Variants in DTWD1 observed in about 807,000 individuals in gnomAD.
DTWD1 encodes tRNA-uridine aminocarboxypropyltransferase 1.
In DTWD1, 27 loss-of-function variants were observed where a neutral mutation model predicts 30.2. That is an observed-to-expected ratio of 0.90 (90% confidence interval 0.66 to 1.23). The LOEUF (loss-of-function observed/expected upper bound fraction) is 1.23, where lower values mean the gene tolerates loss of function less well. DTWD1 is among the 50% of genes most tolerant of loss of function. DTWD1 has a pLI of 0.00. For synonymous variants in DTWD1, 99 were observed against 113.1 expected (o/e 0.88, Z 0.79); for missense variants, 342 against 348.8 (o/e 0.98, Z 0.15).
chr15:49,634,815 T>C, intron 4 of DTWD1, 21 bp downstream of exon 4: 1 of 1,548,158 alleles, frequency 6.5e-7, no homozygotes, highest in Non-Finnish European at 8.7e-7. Context: ...AATGTTTTTT[T>C]GGACTGCTCC....
intron 4 of DTWD1, among the ~76,000 whole-genome samples, chr15:49,637,656 A>G (rs1379506115): frequency 1.3e-5 from 2 of 152,198 alleles, no homozygotes; most frequent in South Asian, 2.1e-4. Flanking sequence ...TTGTCCATGT[A>G]TGATTAGAAG....
At chr15:49,633,612 G>A (rs1441075866) in intron 3 of DTWD1, 6 of 286,522 alleles carry the variant, frequency 2.1e-5, no homozygotes, top group Non-Finnish European at 3.4e-5. Context: ...CGGGATTACA[G>A]GTATGAGCCA....
intron 1 of DTWD1, among the ~76,000 whole-genome samples, 158 bp from the exon 2 acceptor site, chr15:49,624,955 C>G (rs1020160688): frequency 6.6e-6 from 1 of 152,178 alleles, no homozygotes; most frequent in African/African-American, 2.4e-5. Context: ...TGCTTTTAAT[C>G]TTATGTTTTA....
Position 49,655,805 on chromosome 15 carries a change from T to A in DTWD1, c.*12227T>A, listed in dbSNP as rs1490036909. The A allele has an allele frequency of 6.6e-6, 1 of 151,994 alleles. No homozygotes were observed. Among genetic ancestry groups the A allele is most frequent in the Non-Finnish European group, 1.5e-5 (1 of 67,968 alleles). The allele number at this position is 151,994 out of a possible 1,614,324, so 9.4% of individuals were successfully genotyped here. A position where few individuals can be genotyped will look rare whatever the true frequency, so the allele number is the denominator to read the frequency against. ...TGGAAATTACTTTGCTGGCTGAAGT[T>A]GGGAATAGAAAACAGTAGAGAATAC... On this transcript the variant is annotated 3_prime_UTR_variant, in exon 5 of 5. Transcript: ENST00000403028.
chr15:49,638,930 G>A (rs1292774439), intron 4 of DTWD1, among the ~76,000 whole-genome samples: 1 of 152,084 alleles, frequency 6.6e-6, no homozygotes, highest in Admixed American at 6.5e-5. Flanking sequence ...AGAATGTAGG[G>A]GGAGACATTG....
chr15:49,637,631 A>T (rs2079018648), intron 4 of DTWD1, among the ~76,000 whole-genome samples: 1 of 152,170 alleles, frequency 6.6e-6, no homozygotes, highest in Non-Finnish European at 1.5e-5. Flanking sequence ...TAGTGATTTA[A>T]AACAGTTACT....
chr15:49,637,072 CATG>C (rs1187729555), intron 4 of DTWD1, among the ~76,000 whole-genome samples: 2 of 152,108 alleles, frequency 1.3e-5, no homozygotes, highest in Non-Finnish European at 2.9e-5. Flanking sequence ...ATTTTAATTA[CATG>C]ATTTCTTCCT....
intron 2 of DTWD1, among the ~76,000 whole-genome samples, chr15:49,628,886 G>T (rs1459612955): frequency 6.6e-6 from 1 of 151,730 alleles, no homozygotes; most frequent in Non-Finnish European, 1.5e-5. Flanking sequence ...GGATACATGT[G>T]CAGAACTTGC....
Position 49,652,572 on chromosome 15 carries a change from G to A in DTWD1, c.*8994G>A, listed in dbSNP as rs988997083. ...CAGAGGCTGAGGGAAATCTAGAATT[G>A]ATAGTGGAGGATGAGGGGATGTGAC... On this transcript the variant is annotated 3_prime_UTR_variant, in exon 5 of 5. Transcript: ENST00000403028. 5 of 152,292 alleles carry A rather than the reference G, an allele frequency of 3.3e-5. No homozygotes were observed. Among genetic ancestry groups the A allele is most frequent in the African/African-American group, 1.2e-4 (5 of 41,470 alleles). 9.4% of individuals were successfully genotyped at this position (152,292 alleles called of 1,614,324 possible).
chr15:49,626,357 G>A (rs2078844395), intron 2 of DTWD1, among the ~76,000 whole-genome samples: 1 of 152,066 alleles, frequency 6.6e-6, no homozygotes, highest in Admixed American at 6.5e-5. Context: ...TAAAAACTAA[G>A]ACCAATTCCC....
intron 1 of DTWD1, among the ~76,000 whole-genome samples, chr15:49,623,966 C>T (rs892509860): frequency 4.6e-5 from 7 of 151,764 alleles, no homozygotes; most frequent in Admixed American, 3.9e-4. Flanking sequence ...CCCTTGGGTA[C>T]ATTTGGCAAG....
intron 1 of DTWD1, among the ~76,000 whole-genome samples, chr15:49,622,734 C>G (rs2078774974): frequency 6.6e-6 from 1 of 152,098 alleles, no homozygotes; most frequent in Admixed American, 6.5e-5. Flanking sequence ...AGGACAGATG[C>G]CCTGATCATG....
In DTWD1 at chr15:49,647,437, T is replaced by C. The variant is rs913865937; in HGVS notation, c.*3859T>C. ...ACCCATTGCCTTAATTTTGAGCTTG[T>C]CTGTTTCTTACATTTCTCATTTTGA... On this transcript the variant is annotated 3_prime_UTR_variant, in exon 5 of 5. Transcript: ENST00000403028. 3 of 152,198 alleles carry C rather than the reference T, an allele frequency of 2.0e-5. 1 individual carries two copies. The South Asian group carries it at 6.2e-4, about 31-fold the overall frequency. The allele number at this position is 152,198 out of a possible 1,614,324, so 9.4% of individuals were successfully genotyped here. A position where few individuals can be genotyped will look rare whatever the true frequency, so the allele number is the denominator to read the frequency against.
chr15:49,655,377 A>C lies in DTWD1; in HGVS notation c.*11799A>C, dbSNP rs1338265361. ...TTAGTAGAAGAGGGGGTAAGAAAGA[A>C]AGACTTATGAAGAAAAGACCTGTAG... On this transcript the variant is annotated 3_prime_UTR_variant, in exon 5 of 5. Coordinates refer to ENST00000403028, the MANE Select transcript of DTWD1 (RefSeq NM_001144955.2). 6.6e-6 allele frequency: 1 copy of C among 152,086 alleles called. No homozygotes were observed. The highest frequency in any genetic ancestry group is 1.5e-5 in the Non-Finnish European group (1 of 67,994). The allele number at this position is 152,086 out of a possible 1,614,324, so 9.4% of individuals were successfully genotyped here.
In DTWD1 at chr15:49,625,292, C is replaced by A; in HGVS notation, c.125C>A (p.Ala42Glu). Residue 42 changes from alanine to glutamate, a missense_variant, in exon 2 of 5, where the codon GCA becomes GAA. Ala to Glu is a moderately radical substitution (Grantham distance 107, BLOSUM62 -1). Coordinates refer to ENST00000403028, the MANE Select transcript of DTWD1 (RefSeq NM_001144955.2). ...SEDPLQNLCL[A>E]SQEVLQKAQQ... Reference sequence around the variant, plus strand: ...GATCCCCTTCAAAACTTATGTTTAGCATCTCAAGAAGTTCTTCAAAAAGCT... The same window carrying A: ...GATCCCCTTCAAAACTTATGTTTAGAATCTCAAGAAGTTCTTCAAAAAGCT... 1 of 1,613,532 alleles carries A rather than the reference C, an allele frequency of 6.2e-7. No individual in the cohort carries two copies. Among genetic ancestry groups the A allele is most frequent in the Non-Finnish European group, 8.5e-7 (1 of 1,179,702 alleles).
Position 49,643,834 on chromosome 15 carries a change from T to A in DTWD1, c.*256T>A. On this transcript the variant is annotated 3_prime_UTR_variant, in exon 5 of 5. Coordinates refer to ENST00000403028, the MANE Select transcript of DTWD1 (RefSeq NM_001144955.2). ...CCTCAGTTTCATTACTACATTTTAA[T>A]ATAGTGTGTTATGTCTCTGTGATTA... The A allele has an allele frequency of 3.3e-6, 1 of 302,560 alleles. No homozygotes were observed. The highest frequency in any genetic ancestry group is 6.1e-6 in the Non-Finnish European group (1 of 164,884). 18.7% of individuals were successfully genotyped at this position (302,560 alleles called of 1,614,324 possible).
chr15:49,625,389 T>A lies in DTWD1; in HGVS notation c.222T>A (p.Val74=). Residue 74 remains valine, a synonymous_variant, in exon 2 of 5, where the codon GTT becomes GTA. Coordinates refer to ENST00000403028, the MANE Select transcript of DTWD1 (RefSeq NM_001144955.2). The part of the protein sequence containing the change: ...SRMFYCYTCY[V]PVENVPIEQI... ...TGTTCTACTGCTATACATGTTATGT[T>A]CCAGTTGAAAATGTACCTATTGAAC... 6.2e-7 allele frequency: 1 copy of A among 1,613,766 alleles called. No homozygotes were observed. Among genetic ancestry groups the A allele is most frequent in the East Asian group, 2.2e-5 (1 of 44,808 alleles).
chr15:49,624,056 A>AG (rs1296690089), intron 1 of DTWD1, among the ~76,000 whole-genome samples: 1 of 151,838 alleles, frequency 6.6e-6, no homozygotes, highest in Non-Finnish European at 1.5e-5. Flanking sequence ...ATCTTAAAAA[A>AG]AAAAAGAAAA....
At chr15:49,633,176 G>C (rs1598653675) in intron 3 of DTWD1, among the ~76,000 whole-genome samples, 1 of 151,110 alleles carries the variant, frequency 6.6e-6, no homozygotes, top group Non-Finnish European at 1.5e-5. Flanking sequence ...CTCCATTTAT[G>C]TTGATTAAAT....
Sources: allele counts gnomAD v4.1 joint callset (sites outside exome capture counted in the v4.1 genomes callset), GRCh38; gene constraint gnomAD v4.1.1; transcripts MANE v1.5; gene names NCBI Gene and HGNC (gene_info 2026-07-23, HGNC 2026-07-21).